The following ING5 variants were observed in gnomAD, a reference collection of about 807,000 sequenced individuals.
The protein encoded by ING5 is inhibitor of growth protein 5.
ING5 carries 17 observed loss-of-function variants against 37.4 expected under a neutral mutation model. That is an observed-to-expected ratio of 0.45 (90% CI 0.31 to 0.68). ING5 has a LOEUF of 0.68. ING5 is among the 30% of genes least tolerant of loss of function. ING5 has a pLI of 0.05. For missense variants in ING5, 233 were observed against 311.9 expected, an observed-to-expected ratio of 0.75 and a Z score of 1.91; for synonymous variants, 123 against 116.6, an observed-to-expected ratio of 1.06 and a Z score of -0.36.
chr2:241,701,887 C>T, upstream of ING5: 1 of 341,122 alleles, frequency 2.9e-6, no homozygotes, highest in Non-Finnish European at 5.2e-6. Flanking sequence ...GCCACAACCT[C>T]CGCCCGGGCC....
intron 5 of ING5, chr2:241,719,368 C>G: frequency 3.0e-6 from 2 of 670,722 alleles, no homozygotes; most frequent in Non-Finnish European, 5.3e-6. Context: ...CCCCCAACCC[C>G]CCAACACCCC....
At chr2:241,692,684 G>A (rs2069572910) in intron 2 of ING5, among the ~76,000 whole-genome samples, 1 of 152,100 alleles carries the variant, frequency 6.6e-6, no homozygotes, top group Admixed American at 6.6e-5. Context: ...GACTCAGCAA[G>A]GAATGCAGTT....
At chr2:241,714,376 C>T (rs144673317) in intron 5 of ING5, among the ~76,000 whole-genome samples, 1,536 of 152,162 alleles carry the variant, frequency 0.01, 28 homozygotes, top group African/African-American at 0.035. Flanking sequence ...GCATTCAGTT[C>T]CTTTAAAGTT....
At chr2:241,709,895 C>T (rs34828318) in intron 3 of ING5, among the ~76,000 whole-genome samples, 367 of 152,124 alleles carry the variant, frequency 2.4e-3, no homozygotes, top group African/African-American at 8.4e-3. Context: ...GCATGAGCCA[C>T]CGTGCCCGAC....
chr2:241,720,430 A>G, intron 5 of ING5: 1 of 1,089,022 alleles, frequency 9.2e-7, no homozygotes, highest in South Asian at 4.5e-5. Flanking sequence ...CTCTTCCTGG[A>G]ATGCAGTGTT....
intron 5 of ING5, among the ~76,000 whole-genome samples, chr2:241,712,913 G>C (rs936406309): frequency 2.6e-5 from 4 of 151,422 alleles, no homozygotes; most frequent in Non-Finnish European, 4.4e-5. Context: ...TGTAGTCCCA[G>C]CTACTAGGGA....
At position 241,705,083 on chromosome 2, in the gene ING5, C is replaced by T. The variant is rs183225157; in HGVS notation, c.109+359C>T. Among the ~76,000 whole-genome samples, 59 of 151,384 alleles carry T rather than the reference C, an allele frequency of 3.9e-4. No individual in the cohort carries two copies. In the South Asian group the frequency reaches 0.012, roughly 31 times the overall value. On this transcript the variant is annotated intron_variant, in intron 2 of 7. Coordinates refer to ENST00000313552, the MANE Select transcript of ING5 (RefSeq NM_032329.6). Reference sequence around the variant, plus strand: ...GGCCGTTTGATATTTAACTCCGTTTCTTTTTTTTTGAGACGGAGTCTTGCT... The same window carrying T: ...GGCCGTTTGATATTTAACTCCGTTTTTTTTTTTTTGAGACGGAGTCTTGCT...
chr2:241,710,764 A>G (rs191708012), intron 3 of ING5, among the ~76,000 whole-genome samples: 100 of 145,594 alleles, frequency 6.9e-4, no homozygotes, highest in Middle Eastern at 8.1e-3. Context: ...GATTACAGGT[A>G]TGAGCCACCG....
At chr2:241,714,876 G>A (rs935660282) in intron 5 of ING5, among the ~76,000 whole-genome samples, 7 of 152,160 alleles carry the variant, frequency 4.6e-5, no homozygotes, top group African/African-American at 9.7e-5. Flanking sequence ...GATTACAGGC[G>A]TGAGCCACTG....
At chr2:241,690,631 A>C in exon 2 of ING5, 1 of 398,628 alleles carries the variant, frequency 2.5e-6, no homozygotes, top group Admixed American at 4.4e-5. Context: ...GAGTCACTCC[A>C]CGAGACTCTG....
At chr2:241,696,640 A>G (rs2069633898) in intron 2 of ING5, among the ~76,000 whole-genome samples, 1 of 152,202 alleles carries the variant, frequency 6.6e-6, no homozygotes, top group East Asian at 1.9e-4. Context: ...ATTAAAAATT[A>G]GCCAGGTGTC....
At chr2:241,720,153 T>A in intron 5 of ING5, 1 of 1,236,990 alleles carries the variant, frequency 8.1e-7, no homozygotes, top group South Asian at 4.0e-5. Flanking sequence ...AAGCCTGGCC[T>A]GCCGGGGCGG....
At chr2:241,716,888 CA>C (rs1237033052) in intron 5 of ING5, among the ~76,000 whole-genome samples, 1 of 152,042 alleles carries the variant, frequency 6.6e-6, no homozygotes, top group Admixed American at 6.6e-5. Context: ...CTGGGGTGGT[CA>C]GGGGAGACGT....
At chr2:241,717,213 T>G (rs2070298884) in intron 5 of ING5, among the ~76,000 whole-genome samples, 1 of 151,990 alleles carries the variant, frequency 6.6e-6, no homozygotes, top group Admixed American at 6.6e-5. Context: ...TAGCTGAGAT[T>G]ACACCCACCT....
exon 1 of ING5, chr2:241,687,406 T>C: frequency 2.5e-6 from 1 of 398,964 alleles, no homozygotes; most frequent in East Asian, 3.6e-5. Flanking sequence ...AGGGGCAGGA[T>C]GGGGGGCTGT....
chr2:241,715,491 T>C (rs2070239132), intron 5 of ING5, among the ~76,000 whole-genome samples: 1 of 145,054 alleles, frequency 6.9e-6, no homozygotes, highest in Non-Finnish European at 1.5e-5. Context: ...TTTTTTTTTT[T>C]TTTTTTGGTG....
intron 4 of ING5, 53 bp downstream of exon 4, chr2:241,711,541 T>C (rs1252489133): frequency 3.2e-6 from 4 of 1,250,638 alleles, no homozygotes; most frequent in Non-Finnish European, 4.5e-6. Flanking sequence ...TATGGAGTTT[T>C]GAAGAGTTTT....
chr2:241,719,417 C>T, intron 5 of ING5: 2 of 843,248 alleles, frequency 2.4e-6, no homozygotes, highest in Non-Finnish European at 1.9e-6. Context: ...TGTTGCTCCA[C>T]AGCTCCCCGA....
chr2:241,711,880 G>A (rs1194085173), intron 4 of ING5, 98 bp from the exon 5 acceptor site: 1 of 1,093,554 alleles, frequency 9.1e-7, no homozygotes, highest in African/African-American at 1.6e-5. Context: ...CAGCCAGCCT[G>A]GGAGACAGAG....
Sources: allele counts gnomAD v4.1 joint callset (sites outside exome capture counted in the v4.1 genomes callset), GRCh38; gene constraint gnomAD v4.1.1; transcripts MANE v1.5; gene names NCBI Gene and HGNC (gene_info 2026-07-23, HGNC 2026-07-21).